The following LRMDA variants were observed in gnomAD, a reference collection of about 807,000 sequenced individuals.
LRMDA encodes leucine-rich melanocyte differentiation-associated protein.
LRMDA carries 18 observed loss-of-function variants against 29.8 expected under a neutral mutation model. The observed-to-expected ratio is 0.60, with a 90% confidence interval of 0.42 to 0.90. The LOEUF is 0.90. Among genes scored for constraint, LRMDA ranks in the 40% least tolerant of loss-of-function variants. The probability of loss-of-function intolerance (pLI) is 0.00; values close to 1 mark genes in which losing one functional copy is unlikely to be tolerated. For missense variants in LRMDA, 273 were observed against 273.9 expected (o/e 1.00, Z 0.02); for synonymous variants, 125 against 109.4 (o/e 1.14, Z -0.89).
intron 6 of LRMDA, among the ~76,000 whole-genome samples, chr10:76,495,602 T>A (rs979489217): frequency 6.6e-6 from 1 of 151,888 alleles, no homozygotes; most frequent in Non-Finnish European, 1.5e-5. Context: ...TTCCACAGTA[T>A]ATTGAGTCTT....
At chr10:75,433,104 G>A (rs1177788294) in intron 1 of LRMDA, among the ~76,000 whole-genome samples, 1 of 152,026 alleles carries the variant, frequency 6.6e-6, no homozygotes, top group Admixed American at 6.5e-5. Flanking sequence ...TTTTCTGGGA[G>A]TTAATTTACT....
intron 5 of LRMDA, among the ~76,000 whole-genome samples, chr10:76,272,773 G>A (rs533206502): frequency 6.6e-6 from 1 of 152,244 alleles, no homozygotes; most frequent in Non-Finnish European, 1.5e-5. Context: ...GAGGCCTGAG[G>A]AAACTTACAA....
At chr10:75,492,361 T>C (rs1844998795) in intron 2 of LRMDA, among the ~76,000 whole-genome samples, 1 of 152,222 alleles carries the variant, frequency 6.6e-6, no homozygotes, top group Non-Finnish European at 1.5e-5. Context: ...AACCTCTCTA[T>C]ACCTCCTGGT....
chr10:75,923,947 T>C (rs1343436096), intron 2 of LRMDA, among the ~76,000 whole-genome samples: 2 of 152,208 alleles, frequency 1.3e-5, no homozygotes, highest in Non-Finnish European at 2.9e-5. Context: ...TCAAACGGGA[T>C]AGTCCCTTAT....
intron 6 of LRMDA, among the ~76,000 whole-genome samples, chr10:76,442,048 A>G (rs549373492): frequency 6.6e-6 from 1 of 152,310 alleles, no homozygotes; most frequent in East Asian, 1.9e-4. Context: ...AATTTTGATG[A>G]GCATTTCTTT....
chr10:76,170,475 T>A (rs1440477425), intron 5 of LRMDA, among the ~76,000 whole-genome samples: 1 of 152,224 alleles, frequency 6.6e-6, no homozygotes, highest in Non-Finnish European at 1.5e-5. Context: ...TAGAGTTTAG[T>A]TCCTGCTTCA....
At chr10:75,432,262 C>A (rs766937863) in intron 1 of LRMDA, among the ~76,000 whole-genome samples, 1 of 152,230 alleles carries the variant, frequency 6.6e-6, no homozygotes, top group African/African-American at 2.4e-5. Context: ...CCCAGCACAT[C>A]CCTGGAGATG....
At chr10:75,653,881 G>C (rs1841633161) in intron 2 of LRMDA, among the ~76,000 whole-genome samples, 2 of 152,244 alleles carry the variant, frequency 1.3e-5, no homozygotes, top group Non-Finnish European at 2.9e-5. Context: ...CATTTTTGTT[G>C]CCTGCTAGGT....
At chr10:76,485,344 G>A (rs918140246) in intron 6 of LRMDA, among the ~76,000 whole-genome samples, 12 of 151,596 alleles carry the variant, frequency 7.9e-5, no homozygotes, top group Non-Finnish European at 1.2e-4. Context: ...TGTAATACAC[G>A]TTTACAGCTA....
chr10:76,227,329 G>T (rs1031477436), intron 5 of LRMDA, among the ~76,000 whole-genome samples: 1 of 151,948 alleles, frequency 6.6e-6, no homozygotes, highest in Non-Finnish European at 1.5e-5. Flanking sequence ...TAAGATTTTT[G>T]ATAATCATCC....
At chr10:75,555,047 A>T (rs1318135787) in intron 2 of LRMDA, among the ~76,000 whole-genome samples, 1 of 152,120 alleles carries the variant, frequency 6.6e-6, no homozygotes, top group African/African-American at 2.4e-5. Context: ...GCTGGGATTT[A>T]AGCATCCATG....
At chr10:75,468,711 G>A (rs1040425757) in intron 2 of LRMDA, among the ~76,000 whole-genome samples, 1 of 152,130 alleles carries the variant, frequency 6.6e-6, no homozygotes, top group African/African-American at 2.4e-5. Context: ...GATTTGGGAA[G>A]GGTCAGGGTG....
At chr10:75,672,318 G>T (rs1038943293) in intron 2 of LRMDA, among the ~76,000 whole-genome samples, 1 of 151,928 alleles carries the variant, frequency 6.6e-6, no homozygotes, top group Non-Finnish European at 1.5e-5. Flanking sequence ...TGTTGGCAAA[G>T]GATAGGCCCC....
chr10:75,898,409 A>G (rs1845618792), intron 2 of LRMDA, among the ~76,000 whole-genome samples: 1 of 152,178 alleles, frequency 6.6e-6, no homozygotes. Flanking sequence ...CCGTCCCAGC[A>G]TTTGACACTG....
At chr10:75,541,806 G>T (rs1840020308) in intron 2 of LRMDA, among the ~76,000 whole-genome samples, 1 of 152,020 alleles carries the variant, frequency 6.6e-6, no homozygotes, top group Non-Finnish European at 1.5e-5. Flanking sequence ...CTTTTGATGA[G>T]AATTTACATG....
At chr10:75,465,867 C>A (rs1020528390) in intron 2 of LRMDA, among the ~76,000 whole-genome samples, 6 of 152,216 alleles carry the variant, frequency 3.9e-5, no homozygotes, top group African/African-American at 1.4e-4. Flanking sequence ...TCCAATCTTG[C>A]TTAATGAAAT....
chr10:75,981,638 G>A (rs1243885693), intron 2 of LRMDA, among the ~76,000 whole-genome samples: 1 of 152,116 alleles, frequency 6.6e-6, no homozygotes, highest in Non-Finnish European at 1.5e-5. Flanking sequence ...CAGATCACGA[G>A]GTCAAGAGAT....
At chr10:76,395,726 C>T (rs1841776180) in intron 6 of LRMDA, among the ~76,000 whole-genome samples, 1 of 152,220 alleles carries the variant, frequency 6.6e-6, no homozygotes, top group Non-Finnish European at 1.5e-5. Flanking sequence ...TGAGAACTCT[C>T]TTTGTAGCTC....
chr10:76,024,731 C>T (rs956721734), intron 2 of LRMDA, among the ~76,000 whole-genome samples: 11 of 152,128 alleles, frequency 7.2e-5, no homozygotes, highest in African/African-American at 2.4e-4. Context: ...GAGATCCAGC[C>T]GTGTAAATGT....
Sources: allele counts gnomAD v4.1 joint callset (sites outside exome capture counted in the v4.1 genomes callset), GRCh38; gene constraint gnomAD v4.1.1; transcripts MANE v1.5; gene names NCBI Gene and HGNC (gene_info 2026-07-23, HGNC 2026-07-21).